The following LAMA1 variants were observed in gnomAD, a reference collection of about 807,000 sequenced individuals.
LAMA1 encodes laminin subunit alpha-1.
LAMA1 carries 219 observed loss-of-function variants against 348.7 expected under a neutral mutation model. The observed-to-expected ratio is 0.63, with a 90% CI of 0.56 to 0.70. The LOEUF (loss-of-function observed/expected upper bound fraction) is 0.70. LAMA1 is among the 30% of genes least tolerant of loss of function. LAMA1 has a pLI of 0.00. For missense variants in LAMA1, 3,744 were observed against 3,888.0 expected (o/e 0.96, Z 0.99); for synonymous variants, 1,487 against 1,491.0 (o/e 1.00, Z 0.06).
Position 7,014,766 on chromosome 18 carries a change from G to C in LAMA1, c.3127-715C>G, listed in dbSNP as rs77118677. Among the ~76,000 whole-genome samples the C allele has an allele frequency of 8.9e-3, 1,347 of 152,168 alleles. 16 individuals carry two copies. Among genetic ancestry groups the C allele is most frequent in the African/African-American group, 0.031 (1,276 of 41,536 alleles). On this transcript the variant is annotated intron_variant, in intron 22 of 62. Transcript: ENST00000389658. ...TTTGGACATAAACCCCCAATAAAGTGATTTATTACTTTCTCTTGGAAGATA... is the reference window on the plus strand; with the variant it reads ...TTTGGACATAAACCCCCAATAAAGTCATTTATTACTTTCTCTTGGAAGATA...
At chr18:7,079,559 T>C (rs940390804) in intron 3 of LAMA1, 1 of 265,924 alleles carries the variant, frequency 3.8e-6, no homozygotes, top group African/African-American at 2.2e-5. Flanking sequence ...TTTTTTCTTC[T>C]AGCCTTATAT....
chr18:7,099,915 C>A (rs1237580000), intron 1 of LAMA1, among the ~76,000 whole-genome samples: 1 of 151,506 alleles, frequency 6.6e-6, no homozygotes, highest in Non-Finnish European at 1.5e-5. Flanking sequence ...AAAAATTAGC[C>A]GGGTGTGGTG....
At chr18:7,035,495 T>C (rs544561197) in intron 13 of LAMA1, among the ~76,000 whole-genome samples, 5 of 151,964 alleles carry the variant, frequency 3.3e-5, no homozygotes, top group Non-Finnish European at 5.9e-5. Flanking sequence ...CAATCACAGC[T>C]CACTATAACC....
chr18:6,943,425 GT>G (rs1568000740), intron 61 of LAMA1, 23 bp from the exon 62 acceptor site: 2 of 1,594,176 alleles, frequency 1.3e-6, no homozygotes, highest in East Asian at 2.2e-5. Context: ...ATCTTGGTGA[GT>G]TTTTGTGTAT....
At chr18:7,003,325 A>G (rs2057816662) in intron 29 of LAMA1, among the ~76,000 whole-genome samples, 1 of 150,612 alleles carries the variant, frequency 6.6e-6, no homozygotes, top group Non-Finnish European at 1.5e-5. Context: ...ATCTCGGCTC[A>G]CTGTGAGCTC....
intron 55 of LAMA1, among the ~76,000 whole-genome samples, chr18:6,957,594 T>A (rs1333088269): frequency 6.6e-6 from 1 of 152,124 alleles, no homozygotes; most frequent in African/African-American, 2.4e-5. Context: ...GGAGCTTCAA[T>A]TTCCTGATGC....
chr18:7,025,270 G>C (rs773152693), intron 17 of LAMA1, among the ~76,000 whole-genome samples: 2 of 152,192 alleles, frequency 1.3e-5, no homozygotes, highest in African/African-American at 4.8e-5. Context: ...GGCGATGCCT[G>C]TTCCTGCTGC....
rs1474194148 is a variant in LAMA1, at chr18:7,080,038, T to C, written c.282A>G (p.Gln94=). The part of the protein sequence containing the change: ...HAIDGTNNWW[Q]SPSIQNGREY... ...CTCTCCCATTCTGAATGCTGGGACT[T>C]TGCCACCAGTTATTGGTGCCATCTA... Residue 94 remains glutamine (Q), a synonymous_variant, in exon 3 of 63, where the codon CAA becomes CAG. Transcript: ENST00000389658. 1 of 1,614,092 alleles carries C rather than the reference T, an allele frequency of 6.2e-7. No homozygotes were observed. The highest frequency in any genetic ancestry group is 8.5e-7 in the Non-Finnish European group (1 of 1,180,028).
At position 7,007,179 on chromosome 18, in the gene LAMA1, T is replaced by C. The variant is rs752608336; in HGVS notation, c.4220A>G (p.Asn1407Ser). The change falls in exon 29 of 63, where the codon AAC (asparagine) becomes AGC (serine). Residue 1407 changes from asparagine (N) to serine (S), a missense_variant. Coordinates refer to ENST00000389658, the MANE Select transcript of LAMA1 (RefSeq NM_005559.4). ...GTTGGGGTCACAGGTGTCACTGTGG[T>C]TGTTGCAACTGCAGGGAACACAAGG... ...VAPCVPCSCNNHSDTCDPNTG... is the reference protein window; with the variant it reads ...VAPCVPCSCNSHSDTCDPNTG... 7 of 1,614,100 alleles carry C rather than the reference T, an allele frequency of 4.3e-6. 1 individual carries two copies. In the South Asian group the frequency reaches 7.7e-5, roughly 18 times the overall value.
intron 60 of LAMA1, 123 bp downstream of exon 60, chr18:6,948,280 T>C: frequency 2.3e-6 from 3 of 1,308,934 alleles, no homozygotes; most frequent in Non-Finnish European, 2.2e-6. Context: ...ACTGGAATAC[T>C]AAACTCAATG....
At chr18:7,109,030 G>A (rs2058325485) in intron 1 of LAMA1, among the ~76,000 whole-genome samples, 1 of 152,190 alleles carries the variant, frequency 6.6e-6, no homozygotes, top group Non-Finnish European at 1.5e-5. Context: ...AGACCAACTG[G>A]AAAGGTTCTT....
intron 48 of LAMA1, among the ~76,000 whole-genome samples, chr18:6,967,628 G>A (rs988313134): frequency 5.3e-5 from 8 of 152,188 alleles, no homozygotes; most frequent in African/African-American, 1.7e-4. Flanking sequence ...TGCAGTGTTC[G>A]GAGGTCCTCG....
At chr18:6,952,456 G>C (rs180918143) in intron 57 of LAMA1, among the ~76,000 whole-genome samples, 9 of 152,234 alleles carry the variant, frequency 5.9e-5, no homozygotes, top group Admixed American at 4.6e-4. Flanking sequence ...TGTGTGTGCG[G>C]GGGAATGTGA....
chr18:7,092,427 C>T (rs1197906782), intron 1 of LAMA1, among the ~76,000 whole-genome samples: 1 of 152,064 alleles, frequency 6.6e-6, no homozygotes, highest in Non-Finnish European at 1.5e-5. Flanking sequence ...AGATCGAGAC[C>T]ATCCTGGCTA....
chr18:6,978,392 A>G lies in LAMA1; in HGVS notation c.6008-14T>C. The G allele has an allele frequency of 1.2e-6, 2 of 1,610,624 alleles. No individual in the cohort carries two copies. Among genetic ancestry groups the G allele is most frequent in the Non-Finnish European group, 1.7e-6 (2 of 1,177,440 alleles). ...TGTCTCTTATACCTAAAATAAATGTATATAAAAGCATGCACTTCTGGTGCT... is the reference window on the plus strand; with the variant it reads ...TGTCTCTTATACCTAAAATAAATGTGTATAAAAGCATGCACTTCTGGTGCT... On this transcript the variant is annotated splice_polypyrimidine_tract_variant and intron_variant, in intron 42 of 62. Coordinates refer to ENST00000389658, the MANE Select transcript of LAMA1 (RefSeq NM_005559.4).
Position 6,965,382 on chromosome 18 carries a change from A to G in LAMA1, c.7101T>C (p.Thr2367=), listed in dbSNP as rs1378086972. The stretch of plus-strand genomic sequence containing the variant: ...GGGTAATGGGTCCTGAACCCAGGTC[A>G]GTCATAACCTTCACTCTGCCACGAA... ...ELFRGRVKVM[T]DLGSGPITLL... Residue 2367 remains threonine (T), a synonymous_variant, in exon 50 of 63, where the codon ACT becomes ACC. Transcript: ENST00000389658. 6.2e-7 allele frequency: 1 copy of G among 1,614,202 alleles called. No homozygotes were observed. Among genetic ancestry groups the G allele is most frequent in the South Asian group, 1.1e-5 (1 of 91,092 alleles).
At chr18:6,984,203 A>T (rs2057724210) in intron 39 of LAMA1, among the ~76,000 whole-genome samples, 1 of 152,168 alleles carries the variant, frequency 6.6e-6, no homozygotes, top group South Asian at 2.1e-4. Flanking sequence ...AATTTAGCGC[A>T]TAATTTATGC....
rs544422744 is a variant in LAMA1, at chr18:7,016,067, C to T, written c.2990-209G>A. 2.6e-5 allele frequency among the ~76,000 whole-genome samples: 4 copies of T among 152,198 alleles called. No individual in the cohort carries two copies. The South Asian group carries it at 8.3e-4, about 32-fold the overall frequency. ...GCTGAGGGAAGCGGGGAAATGGGGA[C>T]AGGACAGGGGAAATAGAGAAAAGAG... On this transcript the variant is annotated intron_variant, in intron 21 of 62. Coordinates refer to ENST00000389658, the MANE Select transcript of LAMA1 (RefSeq NM_005559.4).
At position 7,009,270 on chromosome 18, in the gene LAMA1, C is replaced by A. The variant is rs773190241; in HGVS notation, c.3970G>T (p.Ala1324Ser). ...TGCTGTAATCCTTGACCATACGATG[C>A]CTTGATGAGGATGTACTCAATATCG... ...LSDIEYILIKASYGQGLQQSR... is the reference protein window; with the variant it reads ...LSDIEYILIKSSYGQGLQQSR... Residue 1324 changes from alanine (A) to serine (S), a missense_variant, in exon 27 of 63, where the codon GCA (alanine) becomes TCA (serine). Physicochemically the swap from Ala to Ser is moderately conservative, Grantham distance 99. Around this residue, in one of 3 missense-constraint regions of LAMA1, gnomAD observed 1,983 missense variants for 1,934.3 expected, o/e 1.03. Coordinates refer to ENST00000389658, the MANE Select transcript of LAMA1 (RefSeq NM_005559.4). The A allele has an allele frequency of 6.2e-7, 1 of 1,613,910 alleles. No homozygotes were observed. Among genetic ancestry groups the A allele is most frequent in the Admixed American group, 1.7e-5 (1 of 59,994 alleles).
Sources: gnomAD v4.1 joint callset for allele counts (sites outside exome capture counted in the v4.1 genomes callset) on GRCh38, gnomAD v4.1.1 for gene constraint, gnomAD v4.1.1 regional missense constraint, MANE v1.5 for transcripts, NCBI Gene and HGNC (gene_info 2026-07-23, HGNC 2026-07-21) for gene names.